The following NEB variants were observed in gnomAD, a reference collection of about 807,000 sequenced individuals.
NEB encodes the protein nemaline myopathy type 2.
Under a neutral mutation model 952.2 loss-of-function variants are expected in NEB, and 512 were observed. The observed-to-expected ratio is 0.54, with a 90% confidence interval of 0.50 to 0.58. NEB has a LOEUF of 0.58. Ranked by LOEUF, NEB falls within the 20% of genes least tolerant of loss-of-function variation. The probability of loss-of-function intolerance (pLI) is 0.00; values close to 1 mark genes in which losing one functional copy is unlikely to be tolerated. For synonymous variants in NEB, 2,900 were observed against 3,149.8 expected (o/e 0.92, Z 2.66); for missense variants, 8,428 against 9,231.1 (o/e 0.91, Z 3.56).
At chr2:151,680,604 T>C in intron 30 of NEB, 126 bp downstream of exon 30, 1 of 653,088 alleles carries the variant, frequency 1.5e-6, no homozygotes, top group East Asian at 2.6e-5. Flanking sequence ...TGGGGAATTC[T>C]ACAGATGCTT....
chr2:151,665,378 T>C lies in NEB; in HGVS notation c.5193A>G (p.Thr1731=), dbSNP rs2099202456. 1 of 1,613,666 alleles carries C rather than the reference T, an allele frequency of 6.2e-7. No individual in the cohort carries two copies. Among genetic ancestry groups the C allele is most frequent in the East Asian group, 2.2e-5 (1 of 44,868 alleles). Residue 1731 remains threonine (T), a synonymous_variant, in exon 42 of 182, where the codon ACA becomes ACG. Transcript: ENST00000397345. ...TACTCTTGTTAAGTGCCTGTTCCAT[T>C]GTGTCCATGGCGTAAGTGAACTTCA... ...EKLKFTYAMD[T]MEQALNKSNK...
intron 46 of NEB, among the ~76,000 whole-genome samples, chr2:151,659,865 C>A (rs1000948722): frequency 3.9e-5 from 6 of 152,084 alleles, no homozygotes; most frequent in African/African-American, 1.2e-4. Context: ...ATTTTTAGAG[C>A]TACGTAGTAT....
At chr2:151,552,571 G>T in intron 128 of NEB, 101 bp downstream of exon 128, 1 of 741,528 alleles carries the variant, frequency 1.3e-6, no homozygotes, top group Non-Finnish European at 2.3e-6. Context: ...TTCCCAGTTA[G>T]AAAAGACTTG....
At position 151,507,153 on chromosome 2, in the gene NEB, A is replaced by G. The variant is rs189177176; in HGVS notation, c.23452-140T>C. On this transcript the variant is annotated intron_variant, in intron 162 of 181. Coordinates refer to ENST00000397345, the MANE Select transcript of NEB (RefSeq NM_001164508.2). Reference sequence around the variant, plus strand: ...CACAATAATTATGGTCTGGTAGCCCAAGGGAAATTATTTGATAAGAATTTT... The same window carrying G: ...CACAATAATTATGGTCTGGTAGCCCGAGGGAAATTATTTGATAAGAATTTT... 1.6e-3 allele frequency: 932 copies of G among 578,270 alleles called. 12 individuals carry two copies. The African/African-American group carries it at 0.017, about 10-fold the overall frequency. The allele number at this position is 578,270 out of a possible 1,614,324, so 35.8% of individuals were successfully genotyped here. A position where few individuals can be genotyped will look rare whatever the true frequency, so the allele number is the denominator to read the frequency against.
chr2:151,688,215 GT>G, intron 25 of NEB, 76 bp downstream of exon 25: 1 of 1,203,040 alleles, frequency 8.3e-7, no homozygotes, highest in East Asian at 2.4e-5. Flanking sequence ...ACAATTCCTT[GT>G]CTTGTCTTTT....
At chr2:151,618,548 T>A in intron 73 of NEB, 70 bp from the exon 74 acceptor site, 1 of 1,445,488 alleles carries the variant, frequency 6.9e-7, no homozygotes, top group Non-Finnish European at 9.5e-7. Flanking sequence ...AAATGGGTTA[T>A]CCTAGAGAAA....
chr2:151,578,967 G>C (rs2097014937), intron 105 of NEB, among the ~76,000 whole-genome samples: 1 of 150,502 alleles, frequency 6.6e-6, no homozygotes, highest in Admixed American at 6.7e-5. Context: ...TGTAATCCCA[G>C]CTACTTGGGA....
In NEB at chr2:151,523,258, T is replaced by C. The variant is rs71415141; in HGVS notation, c.22479+1053A>G. Reference sequence around the variant, plus strand: ...TTAATTTATAATAAAATATGTTACATAGGAATTTTAAGTTTAAAAACTTTT... The same window carrying C: ...TTAATTTATAATAAAATATGTTACACAGGAATTTTAAGTTTAAAAACTTTT... On this transcript the variant is annotated intron_variant, in intron 153 of 181. Transcript: ENST00000397345. Among the ~76,000 whole-genome samples the C allele has an allele frequency of 6.4e-3, 977 of 152,306 alleles. 10 individuals carry two copies. Among genetic ancestry groups the C allele is most frequent in the Non-Finnish European group, 8.4e-3 (568 of 68,018 alleles).
intron 51 of NEB, among the ~76,000 whole-genome samples, chr2:151,654,453 C>T (rs1388217563): frequency 1.3e-5 from 2 of 152,076 alleles, no homozygotes; most frequent in African/African-American, 4.8e-5. Context: ...AAGATAATTG[C>T]TAATAAAAAG....
At chr2:151,500,420 T>C (rs1429489888) in intron 168 of NEB, among the ~76,000 whole-genome samples, 2 of 88,378 alleles carry the variant, frequency 2.3e-5, no homozygotes, top group African/African-American at 7.4e-5. Flanking sequence ...GAGTTGTATA[T>C]AATACACAAA....
In NEB at chr2:151,695,609, T is replaced by A. The variant is rs1190027476; in HGVS notation, c.1643A>T (p.Gln548Leu). The A allele has an allele frequency of 1.9e-6, 3 of 1,613,798 alleles. No individual in the cohort carries two copies. The Admixed American group carries it at 5.0e-5, about 27-fold the overall frequency. The change falls in exon 18 of 182, where the codon CAG becomes CTG. Residue 548 changes from glutamine to leucine, a missense_variant. Around this residue, in one of 11 missense-constraint regions of NEB, gnomAD observed 2,851 missense variants for 2,791.5 expected, o/e 1.02. Coordinates refer to ENST00000397345, the MANE Select transcript of NEB (RefSeq NM_001164508.2). ...CAAGTTATAGGCATTGACTTTGTGC[T>A]GGATAAAAGCAGGAGTATCAGGGGG... Reference protein sequence around the residue: ...HIPPDTPAFIQHKVNAYNLSD... With the variant: ...HIPPDTPAFILHKVNAYNLSD...
At position 151,656,137 on chromosome 2, in the gene NEB, T is replaced by G. The variant is rs1351696521; in HGVS notation, c.6495+16A>C. On this transcript the variant is annotated intron_variant, in intron 49 of 181. Coordinates refer to ENST00000397345, the MANE Select transcript of NEB (RefSeq NM_001164508.2). ...GCTAGGATTCCAACCATCACCCAAG[T>G]AGAAGAAAGCCTTACATCACTCTGT... 1.3e-6 allele frequency: 2 copies of G among 1,575,316 alleles called. No homozygotes were observed. Among genetic ancestry groups the G allele is most frequent in the South Asian group, 1.2e-5 (1 of 83,724 alleles).
chr2:151,707,653 C>A (rs561277838), intron 12 of NEB, among the ~76,000 whole-genome samples: 3 of 152,122 alleles, frequency 2.0e-5, no homozygotes, highest in Non-Finnish European at 4.4e-5. Flanking sequence ...GGTTCACAAG[C>A]CCCCATCAGG....
intron 3 of NEB, among the ~76,000 whole-genome samples, chr2:151,730,108 T>C (rs2099802281): frequency 6.6e-6 from 1 of 152,186 alleles, no homozygotes; most frequent in Admixed American, 6.5e-5. Flanking sequence ...AATACATTTT[T>C]AAATGGATTG....
intron 20 of NEB, 26 bp downstream of exon 20, chr2:151,694,297 T>C: frequency 1.3e-6 from 2 of 1,584,796 alleles, no homozygotes; most frequent in Non-Finnish European, 1.7e-6. Flanking sequence ...CGTCTGAAAA[T>C]AGGGGTGAAT....
At chr2:151,732,700 T>A (rs2099811778) in intron 3 of NEB, among the ~76,000 whole-genome samples, 1 of 152,232 alleles carries the variant, frequency 6.6e-6, no homozygotes, top group African/African-American at 2.4e-5. Context: ...TATAGATGAT[T>A]AGCTAGTTGA....
rs1274770261 is a variant in NEB at position 151,626,991 on chromosome 2, T to C, written c.10347+11A>G. On this transcript the variant is annotated intron_variant, in intron 70 of 181. Coordinates refer to ENST00000397345, the MANE Select transcript of NEB (RefSeq NM_001164508.2). Reference sequence around the variant, plus strand: ...AGCCCTGTCTTATTTTCCTACAAATTGGGGGCTCACCTTGTTCATATTGAG... The same window carrying C: ...AGCCCTGTCTTATTTTCCTACAAATCGGGGGCTCACCTTGTTCATATTGAG... 3 of 1,613,240 alleles carry C rather than the reference T, an allele frequency of 1.9e-6. No individual in the cohort carries two copies. Among genetic ancestry groups the C allele is most frequent in the Admixed American group, 3.3e-5 (2 of 59,992 alleles).
At chr2:151,516,732 A>G (rs544760870) in intron 156 of NEB, among the ~76,000 whole-genome samples, 169 bp from the exon 157 acceptor site, 8 of 152,290 alleles carry the variant, frequency 5.3e-5, no homozygotes, top group African/African-American at 1.4e-4. Context: ...GTTGTTGTCT[A>G]GGTGTTGAGG....
Position 151,650,713 on chromosome 2 carries a change from A to AT in NEB, c.7087dup (p.Met2363AsnfsTer15). ...CTTCTTGGCCAGTACCACTCCCAAC[A>AT]TGTCCACTGGGCTGGAGAACTTAGT... On this transcript the variant is annotated frameshift_variant, in exon 53 of 182. Transcript: ENST00000397345. LOFTEE classifies it high-confidence loss of function. The AT allele has an allele frequency of 6.2e-7, 1 of 1,613,946 alleles. No individual in the cohort carries two copies. Among genetic ancestry groups the AT allele is most frequent in the Non-Finnish European group, 8.5e-7 (1 of 1,179,860 alleles).
Sources: gnomAD v4.1 joint callset for allele counts (sites outside exome capture counted in the v4.1 genomes callset) on GRCh38, gnomAD v4.1.1 for gene constraint, gnomAD v4.1.1 regional missense constraint, MANE v1.5 for transcripts, NCBI Gene and HGNC (gene_info 2026-07-23, HGNC 2026-07-21) for gene names.